FRYL: variants seen among roughly 807,000 people sequenced by gnomAD.
FRYL encodes FRY like transcription coactivator, also known as protein furry homolog-like.
In FRYL, 150 loss-of-function variants were observed where a neutral mutation model predicts 351.2. That is an observed-to-expected ratio of 0.43 (90% CI 0.37 to 0.49). FRYL has a LOEUF of 0.49. Ranked by LOEUF, FRYL falls within the 20% of genes least tolerant of loss-of-function variation. The probability of loss-of-function intolerance (pLI) is 0.00; values close to 1 mark genes in which losing one functional copy is unlikely to be tolerated. For missense variants in FRYL, 3,036 were observed against 3,619.3 expected, an observed-to-expected ratio of 0.84 and a Z score of 4.13; for synonymous variants, 1,153 against 1,257.1, an observed-to-expected ratio of 0.92 and a Z score of 1.75.
In FRYL at chr4:48,550,955, C is replaced by T. The variant is rs540368356; in HGVS notation, c.4521-251G>A. Among the ~76,000 whole-genome samples the T allele has an allele frequency of 3.9e-5, 6 of 151,956 alleles. No individual in the cohort carries two copies. In the East Asian group the frequency reaches 7.7e-4, roughly 20 times the overall value. ...AGCGTGGTGACGTGTGCCTGTAGTC[C>T]CAGCTACTCCGGAGGCTGAGGCAGG... is the stretch of plus-strand genomic sequence containing the variant. On this transcript the variant is annotated intron_variant, in intron 37 of 63. Transcript: ENST00000358350.
Position 48,498,597 on chromosome 4 carries a change from C to G in FRYL, c.*825G>C, listed in dbSNP as rs578167415. 2 of 152,692 alleles carry G rather than the reference C, an allele frequency of 1.3e-5. No individual in the cohort carries two copies. Among genetic ancestry groups the G allele is most frequent in the African/African-American group, 4.8e-5 (2 of 41,560 alleles). The allele number at this position is 152,692 out of a possible 1,614,324, so 9.5% of individuals were successfully genotyped here. A position where few individuals can be genotyped will look rare whatever the true frequency, so the allele number is the denominator to read the frequency against. On this transcript the variant is annotated 3_prime_UTR_variant, in exon 64 of 64. Transcript: ENST00000358350. ...ACTGATCAGAGAACTGAGCAGCATT[C>G]CAATAACGTTAACAGATATATTATT...
chr4:48,775,201 T>C (rs190412666), intron 1 of FRYL, among the ~76,000 whole-genome samples: 1 of 152,318 alleles, frequency 6.6e-6, no homozygotes, highest in African/African-American at 2.4e-5. Context: ...CTAGGCTATT[T>C]TGGAAGAGGC....
intron 4 of FRYL, among the ~76,000 whole-genome samples, chr4:48,627,776 T>C (rs1752117454): frequency 6.6e-6 from 1 of 152,164 alleles, no homozygotes; most frequent in Non-Finnish European, 1.5e-5. Context: ...GTACTGTGTT[T>C]CAATATGTAA....
At chr4:48,566,444 C>T (rs976044543) in intron 28 of FRYL, among the ~76,000 whole-genome samples, 2 of 151,988 alleles carry the variant, frequency 1.3e-5, no homozygotes, top group Non-Finnish European at 2.9e-5. Flanking sequence ...TAGACTAAAC[C>T]ACATCTTTAT....
At chr4:48,610,360 C>T (rs1287977315) in intron 7 of FRYL, among the ~76,000 whole-genome samples, 5 of 151,878 alleles carry the variant, frequency 3.3e-5, no homozygotes, top group African/African-American at 1.2e-4. Context: ...AAATTTTAAA[C>T]ATTTAAACCA....
At chr4:48,680,924 C>T (rs1208438425) in intron 3 of FRYL, 1 of 1,172,822 alleles carries the variant, frequency 8.5e-7, no homozygotes. Context: ...TACGTTTTTA[C>T]TTTACCTAGT....
intron 3 of FRYL, among the ~76,000 whole-genome samples, chr4:48,682,978 T>C (rs776447139): frequency 3.9e-5 from 6 of 152,296 alleles, no homozygotes; most frequent in South Asian, 2.1e-4. Context: ...CGTATGTATA[T>C]TGCGGCACTG....
chr4:48,532,775 C>T (rs1727951839), intron 49 of FRYL, among the ~76,000 whole-genome samples: 2 of 152,148 alleles, frequency 1.3e-5, no homozygotes, highest in South Asian at 2.1e-4. Flanking sequence ...AAATGCTAAA[C>T]TTTAGGGATG....
chr4:48,565,763 T>C (rs1736634944), intron 28 of FRYL, 72 bp from the exon 29 acceptor site: 19 of 1,422,268 alleles, frequency 1.3e-5, no homozygotes, highest in South Asian at 8.8e-5. Context: ...CAACATGTTA[T>C]TGAATGTGTA....
chr4:48,505,742 A>G, intron 59 of FRYL, 127 bp from the exon 60 acceptor site: 2 of 594,642 alleles, frequency 3.4e-6, no homozygotes, highest in South Asian at 2.4e-5. Context: ...CTAGACTTTT[A>G]TCTCCATTCA....
chr4:48,621,945 C>T (rs997558071), intron 5 of FRYL, among the ~76,000 whole-genome samples: 1 of 152,006 alleles, frequency 6.6e-6, no homozygotes, highest in Non-Finnish European at 1.5e-5. Flanking sequence ...TTTTATTTAA[C>T]CATACTTTTA....
intron 3 of FRYL, among the ~76,000 whole-genome samples, chr4:48,671,407 C>G (rs947986640): frequency 1.4e-4 from 21 of 152,110 alleles, no homozygotes; most frequent in African/African-American, 4.8e-4. Context: ...GTGGCTCACA[C>G]CTGTAATCCC....
intron 3 of FRYL, among the ~76,000 whole-genome samples, chr4:48,657,277 C>A (rs1759404385): frequency 6.6e-6 from 1 of 151,976 alleles, no homozygotes; most frequent in Non-Finnish European, 1.5e-5. Flanking sequence ...ATCAAGCCAT[C>A]CTCCCACCTC....
At position 48,573,172 on chromosome 4, in the gene FRYL, A is replaced by T. The variant is rs1357550423; in HGVS notation, c.2904+14T>A. 6.2e-6 allele frequency: 10 copies of T among 1,600,330 alleles called. No individual in the cohort carries two copies. Among genetic ancestry groups the T allele is most frequent in the Non-Finnish European group, 8.6e-6 (10 of 1,168,422 alleles). ...TGAATGTTCACTAATACAAGGCTGCAGAACACAGCTCACCTCTGGCCTTCT... is the reference window on the plus strand; with the variant it reads ...TGAATGTTCACTAATACAAGGCTGCTGAACACAGCTCACCTCTGGCCTTCT... On this transcript the variant is annotated intron_variant, in intron 26 of 63. Transcript: ENST00000358350.
chr4:48,572,538 G>A (rs953079746), intron 26 of FRYL, among the ~76,000 whole-genome samples: 1 of 152,150 alleles, frequency 6.6e-6, no homozygotes, highest in African/African-American at 2.4e-5. Context: ...AAATTCATCT[G>A]AAATATCAGC....
At chr4:48,613,528 CTA>C (rs897779298) in intron 7 of FRYL, among the ~76,000 whole-genome samples, 1 of 152,162 alleles carries the variant, frequency 6.6e-6, no homozygotes, top group African/African-American at 2.4e-5. Flanking sequence ...TCAACATTTT[CTA>C]TGTTTATAAC....
rs538708818 is a variant in FRYL at position 48,716,518 on chromosome 4, C to A, written c.-383-5820G>T. Among the ~76,000 whole-genome samples the A allele has an allele frequency of 1.4e-3, 205 of 151,598 alleles. 7 individuals are homozygous for A. Among genetic ancestry groups the A allele is most frequent in the African/African-American group, 4.3e-3 (180 of 41,400 alleles). Reference sequence around the variant, plus strand: ...GACATTTATGCAGCCAAAAAACACACGAAAAAATGCTCACCATCACTGGCC... The same window carrying A: ...GACATTTATGCAGCCAAAAAACACAAGAAAAAATGCTCACCATCACTGGCC... On this transcript the variant is annotated intron_variant, in intron 1 of 63. Transcript: ENST00000358350.
chr4:48,541,052 G>T, intron 45 of FRYL, 92 bp from the exon 46 acceptor site: 2 of 1,236,160 alleles, frequency 1.6e-6, no homozygotes, highest in South Asian at 2.0e-5. Context: ...AATAGTAACT[G>T]GTACCAGAAA....
At chr4:48,533,161 A>G (rs1459537887) in intron 49 of FRYL, among the ~76,000 whole-genome samples, 2 of 152,080 alleles carry the variant, frequency 1.3e-5, no homozygotes, top group South Asian at 2.1e-4. Context: ...GTCCACTGGC[A>G]AGTTGAGCTT....
Sources: allele counts gnomAD v4.1 joint callset (sites outside exome capture counted in the v4.1 genomes callset), GRCh38; gene constraint gnomAD v4.1.1; transcripts MANE v1.5; gene names NCBI Gene and HGNC (gene_info 2026-07-23, HGNC 2026-07-21).